DTNB: variants seen among roughly 807,000 people sequenced by gnomAD.
The protein encoded by DTNB is DTN-B.
Under a neutral mutation model 90.7 loss-of-function variants are expected in DTNB, and 63 were observed. That is an observed-to-expected ratio of 0.69 (90% CI 0.57 to 0.86). The LOEUF is 0.86. Among genes scored for constraint, DTNB ranks in the 40% least tolerant of loss-of-function variants. The pLI is 0.00. For missense variants in DTNB, 744 were observed against 807.1 expected (o/e 0.92, Z 0.95); for synonymous variants, 277 against 286.7 (o/e 0.97, Z 0.34).
chr2:25,636,025 T>C (rs941337992), intron 3 of DTNB, among the ~76,000 whole-genome samples: 1 of 152,196 alleles, frequency 6.6e-6, no homozygotes, highest in Non-Finnish European at 1.5e-5. Context: ...AATATGTTCA[T>C]ATTCAATGAA....
At position 25,556,170 on chromosome 2, in the gene DTNB, C is replaced by CTTTTTTTTTT. The variant is rs60714399; in HGVS notation, c.876+20658_876+20667dup. ...ATGTTTTGGTGTTTTGGCCATCTCTCTTTTTTTTTTTTTTTTTTTTTGCCA... is the reference window on the plus strand; with the variant it reads ...ATGTTTTGGTGTTTTGGCCATCTCTCTTTTTTTTTTTTTTTTTTTTTTTTTTTTTTTGCCA... On this transcript the variant is annotated intron_variant, in intron 8 of 20. Coordinates refer to ENST00000406818, the MANE Select transcript of DTNB (RefSeq NM_021907.5). Among the ~76,000 whole-genome samples, 29 of 105,556 alleles carry CTTTTTTTTTT rather than the reference C, an allele frequency of 2.7e-4. 1 individual carries two copies. The highest frequency in any genetic ancestry group is 7.8e-4 in the African/African-American group (20 of 25,738). The allele number at this position is 105,556 out of a possible 152,430, so 69.2% of individuals were successfully genotyped here.
At chr2:25,549,802 A>G (rs1039840383) in intron 8 of DTNB, among the ~76,000 whole-genome samples, 1 of 151,956 alleles carries the variant, frequency 6.6e-6, no homozygotes, top group Non-Finnish European at 1.5e-5. Context: ...CTGGGACTAC[A>G]GGCATGCACA....
chr2:25,628,451 C>A, intron 3 of DTNB, 67 bp from the exon 4 acceptor site: 1 of 1,434,254 alleles, frequency 7.0e-7, no homozygotes, highest in South Asian at 1.3e-5. Flanking sequence ...CAATAGGAAT[C>A]TAAAATTTAT....
intron 8 of DTNB, among the ~76,000 whole-genome samples, chr2:25,536,449 C>A (rs2079786901): frequency 6.6e-6 from 1 of 152,096 alleles, no homozygotes; most frequent in Non-Finnish European, 1.5e-5. Flanking sequence ...CGTCTGCAAT[C>A]CCAGCACCTC....
At chr2:25,638,950 TAA>T in intron 3 of DTNB, 62 bp downstream of exon 3, 5 of 1,413,422 alleles carry the variant, frequency 3.5e-6, no homozygotes, top group Non-Finnish European at 3.8e-6. Flanking sequence ...TAAAAGATGT[TAA>T]AGTCTTTTCT....
intron 9 of DTNB, among the ~76,000 whole-genome samples, chr2:25,530,741 T>C (rs1441664523): frequency 2.6e-5 from 4 of 152,102 alleles, no homozygotes; most frequent in African/African-American, 9.7e-5. Context: ...TGAAAGAAAA[T>C]GAATGCCCAC....
At chr2:25,618,594 T>C (rs2148630105) in intron 4 of DTNB, among the ~76,000 whole-genome samples, 1 of 152,210 alleles carries the variant, frequency 6.6e-6, no homozygotes, top group South Asian at 2.1e-4. Flanking sequence ...AGCTACAGAG[T>C]TGATTGGTAG....
intron 9 of DTNB, among the ~76,000 whole-genome samples, chr2:25,521,297 C>T (rs72851484): frequency 7.9e-5 from 12 of 152,076 alleles, no homozygotes; most frequent in African/African-American, 2.9e-4. Flanking sequence ...GCCATTTGGT[C>T]TCAGTCGTTA....
At chr2:25,642,211 G>A (rs2078487706) in intron 2 of DTNB, among the ~76,000 whole-genome samples, 2 of 152,126 alleles carry the variant, frequency 1.3e-5, no homozygotes, top group South Asian at 2.1e-4. Context: ...GTGTGTATAT[G>A]TGTATGTGTG....
At chr2:25,495,537 C>T (rs72851454) in intron 9 of DTNB, among the ~76,000 whole-genome samples, 1,578 of 152,274 alleles carry the variant, frequency 0.01, 33 homozygotes, top group African/African-American at 0.036. Flanking sequence ...TGCTGGTAAG[C>T]TGCAGCTCTG....
At chr2:25,585,366 T>A (rs2062195140) in intron 6 of DTNB, among the ~76,000 whole-genome samples, 1 of 152,206 alleles carries the variant, frequency 6.6e-6, no homozygotes, top group South Asian at 2.1e-4. Context: ...GATTTATGCC[T>A]CCCTCTATAA....
intron 12 of DTNB, among the ~76,000 whole-genome samples, chr2:25,438,162 G>A (rs1014965906): frequency 6.6e-6 from 1 of 152,162 alleles, no homozygotes; most frequent in African/African-American, 2.4e-5. Context: ...GAAGGAAGCT[G>A]TGGTAAGAGC....
intron 8 of DTNB, among the ~76,000 whole-genome samples, chr2:25,549,198 T>C (rs1429676027): frequency 1.3e-5 from 2 of 151,930 alleles, no homozygotes; most frequent in African/African-American, 4.8e-5. Flanking sequence ...TTTATTTTGA[T>C]TACTGATATA....
rs115985736 is a variant in DTNB, at chr2:25,663,503, G to A, written c.-2+9883C>T. Among the ~76,000 whole-genome samples, 965 of 152,254 alleles carry A rather than the reference G, an allele frequency of 6.3e-3. 17 individuals are homozygous for A. The highest frequency in any genetic ancestry group is 0.021 in the African/African-American group (878 of 41,526). ...AATCCCCACACCATCTTCCACAATG[G>A]TTGAACAATATATTATTCTTTATGC... On this transcript the variant is annotated intron_variant, in intron 1 of 20. Transcript: ENST00000406818.
chr2:25,631,110 G>A (rs186654829), intron 3 of DTNB, among the ~76,000 whole-genome samples: 152 of 152,212 alleles, frequency 1.0e-3, no homozygotes, highest in African/African-American at 3.5e-3. Flanking sequence ...TGATGAAGAT[G>A]TTCTAGAATT....
chr2:25,629,014 A>C (rs1402498192), intron 3 of DTNB, among the ~76,000 whole-genome samples: 1 of 152,196 alleles, frequency 6.6e-6, no homozygotes, highest in African/African-American at 2.4e-5. Context: ...ACTCTTCTTG[A>C]AAACGACAAA....
chr2:25,547,003 T>A (rs555821288), intron 8 of DTNB, among the ~76,000 whole-genome samples: 1 of 152,196 alleles, frequency 6.6e-6, no homozygotes, highest in South Asian at 2.1e-4. Context: ...TACACCACTG[T>A]GCTAAGTTAA....
intron 4 of DTNB, among the ~76,000 whole-genome samples, chr2:25,612,167 A>T (rs1395354397): frequency 2.6e-5 from 4 of 152,240 alleles, no homozygotes; most frequent in Non-Finnish European, 4.4e-5. Context: ...AATGTCCATT[A>T]ATAGTGAAGA....
intron 19 of DTNB, chr2:25,383,596 C>G: frequency 1.4e-6 from 1 of 733,858 alleles, no homozygotes; most frequent in Non-Finnish European, 2.1e-6. Context: ...TATCTACTTC[C>G]TGTATCCCAA....
Sources: gnomAD v4.1 joint callset for allele counts (sites outside exome capture counted in the v4.1 genomes callset) on GRCh38, gnomAD v4.1.1 for gene constraint, MANE v1.5 for transcripts, NCBI Gene and HGNC (gene_info 2026-07-23, HGNC 2026-07-21) for gene names.